Variants in LIMA1 observed in about 807,000 individuals in gnomAD.
LIMA1 encodes the protein LIM domain and actin binding 1.
In LIMA1, 52 loss-of-function variants were observed where a neutral mutation model predicts 62.6. That is an observed-to-expected ratio of 0.83 (90% CI 0.67 to 1.05). The LOEUF (loss-of-function observed/expected upper bound fraction) is 1.05. LIMA1 is among the 50% of genes least tolerant of loss of function. The pLI is 0.00. For missense variants in LIMA1, 780 were observed against 902.2 expected (o/e 0.86, Z 1.74); for synonymous variants, 302 against 317.8 (o/e 0.95, Z 0.53).
intron 6 of LIMA1, 37 bp from the exon 7 acceptor site, chr12:50,200,921 G>T: frequency 6.2e-7 from 1 of 1,607,230 alleles, no homozygotes. Flanking sequence ...TTTTTTTAAA[G>T]TCCCATCATT....
intron 3 of LIMA1, among the ~76,000 whole-genome samples, chr12:50,227,845 AT>A (rs1206396988): frequency 0.033 from 4,693 of 142,380 alleles, 243 homozygotes; most frequent in African/African-American, 0.11. Flanking sequence ...TGATATGGTA[AT>A]TTTTTTTTTC....
chr12:50,184,788 C>A lies in LIMA1; in HGVS notation c.1141-2751G>T, dbSNP rs559465953. On this transcript the variant is annotated intron_variant, in intron 9 of 10. Coordinates refer to ENST00000341247, the MANE Select transcript of LIMA1 (RefSeq NM_016357.5). The stretch of plus-strand genomic sequence containing the variant: ...CAAATGTATTTATCAGATTAAAAAT[C>A]ATTTTCAGTTGCAGAAAGGGAATTC... 6.6e-5 allele frequency among the ~76,000 whole-genome samples: 10 copies of A among 152,208 alleles called. No homozygotes were observed. The South Asian group carries it at 1.0e-3, about 16-fold the overall frequency.
At chr12:50,215,144 A>G (rs775201609) in intron 4 of LIMA1, among the ~76,000 whole-genome samples, 2 of 152,236 alleles carry the variant, frequency 1.3e-5, no homozygotes, top group Non-Finnish European at 2.9e-5. Flanking sequence ...CTAAAGACTC[A>G]TTCTACTACA....
intron 2 of LIMA1, among the ~76,000 whole-genome samples, chr12:50,240,761 T>G (rs1031653579): frequency 2.0e-5 from 3 of 152,256 alleles, no homozygotes; most frequent in African/African-American, 7.2e-5. Context: ...TTGTATGCAT[T>G]TAGAACTTGC....
chr12:50,206,342 C>A (rs543349626), intron 4 of LIMA1, among the ~76,000 whole-genome samples: 1 of 152,252 alleles, frequency 6.6e-6, no homozygotes, highest in South Asian at 2.1e-4. Flanking sequence ...CCTCACATAC[C>A]AGATGACAAT....
chr12:50,187,109 T>C (rs1339950109), intron 9 of LIMA1: 2 of 152,260 alleles, frequency 1.3e-5, no homozygotes, highest in Non-Finnish European at 2.9e-5. Flanking sequence ...CTTTCCCGTT[T>C]GAGGGATATT....
intron 6 of LIMA1, among the ~76,000 whole-genome samples, chr12:50,203,465 G>C (rs1246814343): frequency 6.6e-6 from 1 of 151,502 alleles, no homozygotes; most frequent in African/African-American, 2.4e-5. Flanking sequence ...CCAGGCTGGA[G>C]TGTAGTGGCG....
At chr12:50,269,644 G>T (rs987998196) in intron 1 of LIMA1, among the ~76,000 whole-genome samples, 5 of 152,148 alleles carry the variant, frequency 3.3e-5, no homozygotes, top group Non-Finnish European at 7.3e-5. Flanking sequence ...TTAGGAGCGG[G>T]CGCAGTGGCT....
chr12:50,272,898 A>T (rs1942230802), intron 1 of LIMA1, among the ~76,000 whole-genome samples: 1 of 150,938 alleles, frequency 6.6e-6, no homozygotes, highest in South Asian at 2.1e-4. Context: ...AAAATACAAA[A>T]AATTAGCCGG....
At chr12:50,246,021 C>G (rs1941843855) in intron 2 of LIMA1, among the ~76,000 whole-genome samples, 1 of 151,874 alleles carries the variant, frequency 6.6e-6, no homozygotes, top group Admixed American at 6.6e-5. Context: ...ATCATGAGGT[C>G]AGGAGTTCAA....
chr12:50,224,328 T>C (rs1941494822), intron 3 of LIMA1: 1 of 152,248 alleles, frequency 6.6e-6, no homozygotes, highest in Non-Finnish European at 1.5e-5. Context: ...AAAGAAATTA[T>C]AGAACTGCTT....
intron 4 of LIMA1, among the ~76,000 whole-genome samples, chr12:50,219,987 T>C (rs1941414087): frequency 6.6e-6 from 1 of 151,902 alleles, no homozygotes; most frequent in African/African-American, 2.4e-5. Flanking sequence ...GCCCAGCCTC[T>C]TCCATCTTCC....
intron 2 of LIMA1, among the ~76,000 whole-genome samples, chr12:50,241,853 T>C (rs561248146): frequency 6.6e-6 from 1 of 151,416 alleles, no homozygotes; most frequent in South Asian, 2.1e-4. Context: ...GGGCACCATT[T>C]TGAAGATCCA....
chr12:50,222,717 G>C (rs1592533352), intron 3 of LIMA1: 1 of 1,429,046 alleles, frequency 7.0e-7, no homozygotes, highest in East Asian at 2.7e-5. Context: ...TGATAAAACA[G>C]GATGGCCTTA....
At chr12:50,204,437 C>T in intron 6 of LIMA1, 115 bp downstream of exon 6, 1 of 1,194,128 alleles carries the variant, frequency 8.4e-7, no homozygotes, top group Non-Finnish European at 1.1e-6. Flanking sequence ...AAGAGAACAG[C>T]TAGGGGACCA....
In LIMA1 at chr12:50,177,687, T is replaced by A. The variant is rs1417066925; in HGVS notation, c.1657A>T (p.Lys553Ter). Residue 553 changes from lysine to a stop codon, truncating the protein, a stop_gained, in exon 11 of 11, where the codon AAG (lysine) becomes TAG (stop). Coordinates refer to ENST00000341247, the MANE Select transcript of LIMA1 (RefSeq NM_016357.5). LOFTEE classifies it low-confidence loss of function (END_TRUNC). ...SALEEGIKMSKPKWPPEDEIS... is the reference protein window; with the variant it reads ...SALEEGIKMS ...TCGTCTTCAGGAGGCCATTTGGGCT[T>A]TGACATTTTGATCCCTTCCTCCAAG... 6.2e-7 allele frequency: 1 copy of A among 1,610,248 alleles called. No homozygotes were observed. The highest frequency in any genetic ancestry group is 8.5e-7 in the Non-Finnish European group (1 of 1,178,650).
chr12:50,271,731 C>T (rs1011159816), intron 1 of LIMA1, among the ~76,000 whole-genome samples: 2 of 152,180 alleles, frequency 1.3e-5, no homozygotes, highest in African/African-American at 2.4e-5. Context: ...AACCTTTGTA[C>T]CTTTCCATAC....
chr12:50,250,469 A>G (rs1199426472), intron 1 of LIMA1, among the ~76,000 whole-genome samples: 1 of 148,842 alleles, frequency 6.7e-6, no homozygotes, highest in Non-Finnish European at 1.5e-5. Flanking sequence ...GCACACACCT[A>G]TAGTCCTAGC....
chr12:50,189,747 T>C (rs568254560), intron 9 of LIMA1: 2 of 152,394 alleles, frequency 1.3e-5, no homozygotes, highest in East Asian at 1.9e-4. Context: ...AGCCTAGCTC[T>C]GTTGCCCAGG....
Sources: allele counts gnomAD v4.1 joint callset (sites outside exome capture counted in the v4.1 genomes callset), GRCh38; gene constraint gnomAD v4.1.1; transcripts MANE v1.5; gene names NCBI Gene and HGNC (gene_info 2026-07-23, HGNC 2026-07-21).